Variants in CILK1 observed in about 807,000 individuals in gnomAD.
The protein encoded by CILK1 is serine/threonine-protein kinase ICK.
In CILK1, 47 loss-of-function variants were observed where a neutral mutation model predicts 79.2. The ratio of observed to expected loss-of-function variants is 0.59; its 90% CI spans 0.47 to 0.76. The LOEUF (loss-of-function observed/expected upper bound fraction) is 0.76, where lower values mean the gene tolerates loss of function less well. CILK1 is among the 30% of genes least tolerant of loss of function. The probability of loss-of-function intolerance (pLI) is 0.00; values close to 1 mark genes in which losing one functional copy is unlikely to be tolerated. For missense variants in CILK1, 660 were observed against 769.5 expected (o/e 0.86, Z 1.68); for synonymous variants, 266 against 275.9 (o/e 0.96, Z 0.36).
rs79127865 is a variant in CILK1, at chr6:53,046,877, C to T, written c.-172-5469G>A. On this transcript the variant is annotated intron_variant, in intron 1 of 13. Transcript: ENST00000676107. ...GGAGGAGGAGAGAGATCTGACAATC[C>T]TTCAGAGAAGAGGTAGTATTGAGAT... Among the ~76,000 whole-genome samples, 702 of 152,232 alleles carry T rather than the reference C, an allele frequency of 4.6e-3. 7 individuals are homozygous for T. Among genetic ancestry groups the T allele is most frequent in the African/African-American group, 0.016 (667 of 41,522 alleles).
In CILK1 at chr6:53,018,553, A is replaced by T. The variant is rs775711710; in HGVS notation, c.492-52T>A. The T allele has an allele frequency of 4.5e-6, 7 of 1,540,884 alleles. No homozygotes were observed. In the South Asian group the frequency reaches 7.8e-5, roughly 17 times the overall value. On this transcript the variant is annotated intron_variant, in intron 6 of 13. Transcript: ENST00000676107. ...CTATTGCTTCCACCACTCAGACATTAAATTAAATAACAATCAGTTCTCAGT... is the reference window on the plus strand; with the variant it reads ...CTATTGCTTCCACCACTCAGACATTTAATTAAATAACAATCAGTTCTCAGT...
At chr6:53,045,864 A>G (rs1313271157) in intron 1 of CILK1, among the ~76,000 whole-genome samples, 1 of 151,848 alleles carries the variant, frequency 6.6e-6, no homozygotes, top group Non-Finnish European at 1.5e-5. Context: ...CTAATAAACA[A>G]TGTCTTTATT....
chr6:53,045,969 A>T (rs543137220), intron 1 of CILK1, among the ~76,000 whole-genome samples: 1 of 152,302 alleles, frequency 6.6e-6, no homozygotes, highest in East Asian at 1.9e-4. Context: ...GCATTTTGTA[A>T]TCCAGTTAGA....
At chr6:53,032,686 C>T in intron 3 of CILK1, 32 bp from the exon 4 acceptor site, 1 of 1,552,324 alleles carries the variant, frequency 6.4e-7, no homozygotes, top group Non-Finnish European at 8.8e-7. Flanking sequence ...CAAAACAAAA[C>T]AAATATTAGA....
At chr6:53,033,326 C>T (rs193281659) in intron 3 of CILK1, among the ~76,000 whole-genome samples, 5 of 152,194 alleles carry the variant, frequency 3.3e-5, no homozygotes, top group South Asian at 2.1e-4. Flanking sequence ...GAAAATGGTG[C>T]GTGGCCTTAT....
At chr6:53,051,526 C>A (rs1201441172) in intron 1 of CILK1, among the ~76,000 whole-genome samples, 1 of 152,200 alleles carries the variant, frequency 6.6e-6, no homozygotes, top group Non-Finnish European at 1.5e-5. Context: ...GACCACATCA[C>A]CCCAGTCTCT....
In CILK1 at chr6:53,003,262, T is replaced by C. The variant is rs1247205983; in HGVS notation, c.*1887A>G. 6.6e-6 allele frequency: 1 copy of C among 152,498 alleles called. No homozygotes were observed. The highest frequency in any genetic ancestry group is 2.4e-5 in the African/African-American group (1 of 41,440). The allele number at this position is 152,498 out of a possible 1,614,324, so 9.4% of individuals were successfully genotyped here. A position where few individuals can be genotyped will look rare whatever the true frequency, so the allele number is the denominator to read the frequency against. The stretch of plus-strand genomic sequence containing the variant: ...ATCATGGTGCTTGGTCAAGTATATA[T>C]TTGAGTCAAATTCTCCAAAGCATAA... On this transcript the variant is annotated 3_prime_UTR_variant, in exon 14 of 14. Transcript: ENST00000676107.
At chr6:53,052,615 C>T (rs1379156775) in intron 1 of CILK1, among the ~76,000 whole-genome samples, 1 of 151,852 alleles carries the variant, frequency 6.6e-6, no homozygotes, top group Non-Finnish European at 1.5e-5. Context: ...CCTGTAATCC[C>T]AGTTACTCAG....
rs540976541 is a variant in CILK1, at chr6:53,001,795, T to C, written c.*3354A>G. 5.2e-5 allele frequency: 8 copies of C among 152,810 alleles called. No individual in the cohort carries two copies. The South Asian group carries it at 8.3e-4, about 16-fold the overall frequency. 9.5% of individuals were successfully genotyped at this position (152,810 alleles called of 1,614,324 possible). A position where few individuals can be genotyped will look rare whatever the true frequency, so the allele number is the denominator to read the frequency against. ...TTTAAATGATATAAAATAATTAGTATGTCAAACATCTTCTTATAAACATAT... is the reference window on the plus strand; with the variant it reads ...TTTAAATGATATAAAATAATTAGTACGTCAAACATCTTCTTATAAACATAT... On this transcript the variant is annotated 3_prime_UTR_variant, in exon 14 of 14. Coordinates refer to ENST00000676107, the MANE Select transcript of CILK1 (RefSeq NM_014920.5).
At chr6:53,055,344 C>T (rs920965105) in intron 1 of CILK1, among the ~76,000 whole-genome samples, 3 of 152,088 alleles carry the variant, frequency 2.0e-5, no homozygotes, top group African/African-American at 7.2e-5. Context: ...ATAGTATATC[C>T]GGGTTTATGT....
At chr6:53,031,016 T>A in intron 5 of CILK1, 49 bp downstream of exon 5, 1 of 1,269,084 alleles carries the variant, frequency 7.9e-7, no homozygotes. Flanking sequence ...TTCTACTTGA[T>A]AACAACATTT....
chr6:53,053,589 A>ATC (rs1767639700), intron 1 of CILK1, among the ~76,000 whole-genome samples: 1 of 152,224 alleles, frequency 6.6e-6, no homozygotes, highest in African/African-American at 2.4e-5. Flanking sequence ...CAGAAATGAG[A>ATC]CAGGAACCCA....
At chr6:53,014,143 T>A (rs1168813997) in intron 8 of CILK1, among the ~76,000 whole-genome samples, 161 bp from the exon 9 acceptor site, 1 of 152,186 alleles carries the variant, frequency 6.6e-6, no homozygotes, top group South Asian at 2.1e-4. Flanking sequence ...ATTTTTCTTA[T>A]CTAAGATACC....
At chr6:53,046,182 T>C (rs549530097) in intron 1 of CILK1, among the ~76,000 whole-genome samples, 15 of 152,220 alleles carry the variant, frequency 9.9e-5, no homozygotes, top group Non-Finnish European at 2.1e-4. Flanking sequence ...CTCCTTTAAT[T>C]ACCTTTGGCA....
chr6:53,019,565 T>C (rs1765097282), intron 5 of CILK1, among the ~76,000 whole-genome samples: 1 of 152,236 alleles, frequency 6.6e-6, no homozygotes, highest in Admixed American at 6.5e-5. Flanking sequence ...TGCAAATCAT[T>C]CAAAGGTGTT....
chr6:53,018,635 T>C lies in CILK1; in HGVS notation c.492-134A>G, dbSNP rs1765037215. ...AGTTCACTGTGGTGTAATGGAATTG[T>C]GAGAACTTGGCAACTGCCGTGGGCT... On this transcript the variant is annotated intron_variant, in intron 6 of 13. Transcript: ENST00000676107. 3 of 908,040 alleles carry C rather than the reference T, an allele frequency of 3.3e-6. No individual in the cohort carries two copies. The South Asian group carries it at 5.1e-5, about 16-fold the overall frequency. 56.2% of individuals were successfully genotyped at this position (908,040 alleles called of 1,614,324 possible). A position where few individuals can be genotyped will look rare whatever the true frequency, so the allele number is the denominator to read the frequency against.
intron 5 of CILK1, among the ~76,000 whole-genome samples, chr6:53,024,110 C>T (rs1000743492): frequency 2.6e-5 from 4 of 152,212 alleles, no homozygotes; most frequent in African/African-American, 7.2e-5. Context: ...CATGCATACA[C>T]GGGTTTGTAT....
chr6:53,009,386 T>C, intron 12 of CILK1, 53 bp downstream of exon 12: 1 of 1,587,112 alleles, frequency 6.3e-7, no homozygotes, highest in Non-Finnish European at 8.7e-7. Flanking sequence ...CCCACCTTCC[T>C]GCATCCAGGG....
intron 1 of CILK1, chr6:53,051,936 TTTTAC>T (rs535131539): frequency 2.7e-4 from 41 of 152,344 alleles, no homozygotes; most frequent in African/African-American, 6.3e-4. Flanking sequence ...ATCTCTTTTA[TTTTAC>T]TTTAAGTTCC....
Sources: allele counts gnomAD v4.1 joint callset (sites outside exome capture counted in the v4.1 genomes callset), GRCh38; gene constraint gnomAD v4.1.1; transcripts MANE v1.5; gene names NCBI Gene and HGNC (gene_info 2026-07-23, HGNC 2026-07-21).